The following ZNF804B variants were observed in gnomAD, a reference collection of about 807,000 sequenced individuals.
The protein encoded by ZNF804B is zinc finger 804B.
Under a neutral mutation model 101.4 loss-of-function variants are expected in ZNF804B, and 80 were observed. The observed-to-expected ratio is 0.79, with a 90% confidence interval of 0.66 to 0.95. The LOEUF is 0.95. Among genes scored for constraint, ZNF804B ranks in the 40% least tolerant of loss-of-function variants. ZNF804B has a pLI of 0.00. For synonymous variants in ZNF804B, 622 were observed against 558.8 expected, an observed-to-expected ratio of 1.11 and a Z score of -1.59; for missense variants, 1,673 against 1,561.9, an observed-to-expected ratio of 1.07 and a Z score of -1.20.
In ZNF804B at chr7:88,780,939, G is replaced by A. The variant is rs73391402; in HGVS notation, c.108+20855G>A. On this transcript the variant is annotated intron_variant, in intron 1 of 3. Transcript: ENST00000333190. Reference sequence around the variant, plus strand: ...TTTATAATGTACTAATTCTGTTCATGGGTATGAATATTAAAATCTAATTTA... The same window carrying A: ...TTTATAATGTACTAATTCTGTTCATAGGTATGAATATTAAAATCTAATTTA... 2.7e-3 allele frequency among the ~76,000 whole-genome samples: 417 copies of A among 152,120 alleles called. 2 individuals are homozygous for A. Among genetic ancestry groups the A allele is most frequent in the African/African-American group, 9.9e-3 (409 of 41,494 alleles).
intron 2 of ZNF804B, among the ~76,000 whole-genome samples, chr7:89,301,110 T>TG (rs1348987090): frequency 6.7e-6 from 1 of 149,152 alleles, no homozygotes; most frequent in East Asian, 2.0e-4. Context: ...TTTTTTTTTT[T>TG]TTTTTTTTTT....
chr7:88,887,081 C>A (rs1045812297), intron 1 of ZNF804B, among the ~76,000 whole-genome samples: 5 of 152,156 alleles, frequency 3.3e-5, no homozygotes, highest in South Asian at 2.1e-4. Flanking sequence ...AGAATGGCTA[C>A]TATAAAAAGT....
At chr7:89,240,892 A>G (rs1789358949) in intron 2 of ZNF804B, among the ~76,000 whole-genome samples, 1 of 152,052 alleles carries the variant, frequency 6.6e-6, no homozygotes. Flanking sequence ...AAAAGACACA[A>G]TAGGCTCACC....
chr7:89,022,055 C>CT (rs986921683), intron 1 of ZNF804B, among the ~76,000 whole-genome samples: 2 of 151,946 alleles, frequency 1.3e-5, no homozygotes, highest in African/African-American at 4.8e-5. Context: ...TCTCCACTTA[C>CT]TTTTTTTTCC....
intron 1 of ZNF804B, among the ~76,000 whole-genome samples, chr7:89,010,288 A>G (rs6465174): frequency 0.52 from 78,803 of 152,020 alleles, 21,407 homozygotes; most frequent in Middle Eastern, 0.64. Flanking sequence ...CCTATAAGGG[A>G]CAGAAACGGA....
intron 2 of ZNF804B, among the ~76,000 whole-genome samples, chr7:89,280,605 C>T (rs1428814983): frequency 1.3e-5 from 2 of 152,158 alleles, no homozygotes; most frequent in African/African-American, 4.8e-5. Flanking sequence ...TACAAACTAC[C>T]ATCAGATAAT....
intron 1 of ZNF804B, among the ~76,000 whole-genome samples, chr7:89,120,729 G>A (rs1459392043): frequency 6.6e-6 from 1 of 151,544 alleles, no homozygotes; most frequent in Non-Finnish European, 1.5e-5. Flanking sequence ...CAATGAATTG[G>A]TTTTTAGTTT....
At chr7:89,250,786 CAT>C (rs763500396) in intron 2 of ZNF804B, among the ~76,000 whole-genome samples, 4 of 152,194 alleles carry the variant, frequency 2.6e-5, no homozygotes, top group Non-Finnish European at 5.9e-5. Context: ...GCTGGTTCAA[CAT>C]ATGCAAATCA....
chr7:89,298,984 A>G (rs909665085), intron 2 of ZNF804B, among the ~76,000 whole-genome samples: 5 of 151,988 alleles, frequency 3.3e-5, no homozygotes, highest in Non-Finnish European at 4.4e-5. Context: ...TTTTGGACTT[A>G]ACTTGGAGAC....
chr7:88,952,198 T>C (rs1044770428), intron 1 of ZNF804B, among the ~76,000 whole-genome samples: 2 of 151,802 alleles, frequency 1.3e-5, no homozygotes, highest in African/African-American at 4.8e-5. Context: ...ATCAGTATGA[T>C]TTGACTGGGC....
At chr7:89,270,919 A>G (rs1012404490) in intron 2 of ZNF804B, among the ~76,000 whole-genome samples, 3 of 152,190 alleles carry the variant, frequency 2.0e-5, no homozygotes, top group South Asian at 4.1e-4. Context: ...TTGATTTTGT[A>G]TCCTGAGACT....
chr7:88,997,661 T>A (rs1409445612), intron 1 of ZNF804B, among the ~76,000 whole-genome samples: 1 of 152,078 alleles, frequency 6.6e-6, no homozygotes, highest in Non-Finnish European at 1.5e-5. Context: ...CCTGAAGGAA[T>A]CATCTACCCA....
chr7:89,315,953 G>A (rs1217179626), intron 2 of ZNF804B, among the ~76,000 whole-genome samples: 1 of 152,110 alleles, frequency 6.6e-6, no homozygotes, highest in African/African-American at 2.4e-5. Flanking sequence ...TTTATTGTCT[G>A]CATTGTAGGA....
intron 2 of ZNF804B, among the ~76,000 whole-genome samples, chr7:89,240,053 TTG>T (rs1327435462): frequency 6.6e-6 from 1 of 151,392 alleles, no homozygotes; most frequent in African/African-American, 2.4e-5. Flanking sequence ...AATTAATTAA[TTG>T]TAAATATTTT....
At chr7:89,114,538 C>T (rs1424125007) in intron 1 of ZNF804B, among the ~76,000 whole-genome samples, 1 of 152,154 alleles carries the variant, frequency 6.6e-6, no homozygotes, top group Non-Finnish European at 1.5e-5. Context: ...TGGGTTTGCT[C>T]CTTGAATGAT....
At chr7:89,319,868 A>G (rs1790793171) in intron 2 of ZNF804B, among the ~76,000 whole-genome samples, 1 of 152,164 alleles carries the variant, frequency 6.6e-6, no homozygotes. Flanking sequence ...CTCGTACTTG[A>G]GGGCTCACAG....
At chr7:89,156,466 C>A (rs78166731) in intron 1 of ZNF804B, among the ~76,000 whole-genome samples, 4,108 of 152,228 alleles carry the variant, frequency 0.027, 129 homozygotes, top group African/African-American at 0.072. Flanking sequence ...AGTGTTACTT[C>A]CATTGTAACG....
At chr7:89,217,448 A>T (rs1382273505) in intron 1 of ZNF804B, among the ~76,000 whole-genome samples, 2 of 152,208 alleles carry the variant, frequency 1.3e-5, no homozygotes, top group Non-Finnish European at 2.9e-5. Context: ...GGTTGTTGTG[A>T]GGAATGATGA....
intron 2 of ZNF804B, among the ~76,000 whole-genome samples, chr7:89,274,149 T>A (rs970890420): frequency 2.2e-5 from 3 of 139,510 alleles, no homozygotes; most frequent in Non-Finnish European, 4.8e-5. Flanking sequence ...TTTATTTTAT[T>A]TTATTTTCTT....
Sources: gnomAD v4.1 joint callset for allele counts (sites outside exome capture counted in the v4.1 genomes callset) on GRCh38, gnomAD v4.1.1 for gene constraint, MANE v1.5 for transcripts, NCBI Gene and HGNC (gene_info 2026-07-23, HGNC 2026-07-21) for gene names.